PDE4D: variants seen among roughly 807,000 people sequenced by gnomAD.
The protein encoded by PDE4D is phosphodiesterase 4D.
PDE4D carries 24 observed loss-of-function variants against 87.4 expected under a neutral mutation model. That is an observed-to-expected ratio of 0.27 (90% CI 0.20 to 0.39). The LOEUF is 0.39. Ranked by LOEUF, PDE4D falls within the 10% of genes least tolerant of loss-of-function variation. The pLI is 1.00. For synonymous variants in PDE4D, 384 were observed against 383.2 expected, an observed-to-expected ratio of 1.00 and a Z score of -0.02; for missense variants, 714 against 1,041.0, an observed-to-expected ratio of 0.69 and a Z score of 4.32.
intron 1 of PDE4D, among the ~76,000 whole-genome samples, chr5:60,281,967 G>T (rs1157628805): frequency 2.0e-5 from 3 of 151,740 alleles, no homozygotes; most frequent in Non-Finnish European, 4.4e-5. Context: ...AGTCTGGGAG[G>T]TTGAGTCTAC....
intron 2 of PDE4D, among the ~76,000 whole-genome samples, chr5:60,104,777 C>A (rs902116520): frequency 2.0e-5 from 3 of 152,190 alleles, no homozygotes; most frequent in Admixed American, 1.3e-4. Context: ...CTCTAGCAAA[C>A]TCCAACAGAC....
intron 3 of PDE4D, among the ~76,000 whole-genome samples, chr5:59,968,849 T>C (rs1370666846): frequency 2.0e-5 from 3 of 152,144 alleles, no homozygotes; most frequent in Admixed American, 2.0e-4. Context: ...TGAAACACAA[T>C]ATAACATATC....
chr5:60,229,675 T>C (rs551489655), intron 1 of PDE4D, among the ~76,000 whole-genome samples: 10 of 152,128 alleles, frequency 6.6e-5, no homozygotes, highest in Non-Finnish European at 1.5e-4. Flanking sequence ...TAACAACTGA[T>C]ATGTTCATGT....
chr5:60,483,803 T>C (rs1276272236), intron 1 of PDE4D, among the ~76,000 whole-genome samples: 2 of 152,180 alleles, frequency 1.3e-5, no homozygotes, highest in African/African-American at 4.8e-5. Flanking sequence ...ATCCACTCCA[T>C]TTTAATACGT....
At chr5:59,898,350 C>A (rs1443073675), upstream of PDE4D, among the ~76,000 whole-genome samples, 2 of 152,146 alleles carry the variant, frequency 1.3e-5, no homozygotes, top group Non-Finnish European at 2.9e-5. Flanking sequence ...AAATTACTAT[C>A]CTCAAGGAGT....
intron 5 of PDE4D, among the ~76,000 whole-genome samples, chr5:59,079,618 G>C (rs1302114747): frequency 6.6e-6 from 1 of 151,572 alleles, no homozygotes; most frequent in Admixed American, 6.6e-5. Context: ...TTGAGGCCAG[G>C]AGTTTGAGAC....
intron 5 of PDE4D, among the ~76,000 whole-genome samples, chr5:59,088,571 C>T (rs1267850537): frequency 2.6e-5 from 4 of 152,074 alleles, no homozygotes; most frequent in Admixed American, 2.6e-4. Flanking sequence ...CAGTAGTAGA[C>T]AGGATAAAGC....
chr5:59,242,025 CA>C (rs75033724), intron 1 of PDE4D, among the ~76,000 whole-genome samples: 7,112 of 152,192 alleles, frequency 0.047, 235 homozygotes, highest in African/African-American at 0.09. Context: ...GCATAATTCT[CA>C]CACCAGGTAT....
At chr5:59,393,025 T>C (rs951460025) in intron 1 of PDE4D, among the ~76,000 whole-genome samples, 3 of 151,940 alleles carry the variant, frequency 2.0e-5, no homozygotes, top group African/African-American at 7.3e-5. Context: ...TGAGGATGGA[T>C]TGGATATTAA....
At position 58,975,920 on chromosome 5, in the gene PDE4D, T is replaced by C. The variant is rs1473369814; in HGVS notation, c.1831-81A>G. The C allele has an allele frequency of 7.7e-6, 8 of 1,033,780 alleles. No individual in the cohort carries two copies. Among genetic ancestry groups the C allele is most frequent in the African/African-American group, 3.3e-5 (2 of 60,826 alleles). 64.0% of individuals were successfully genotyped at this position (1,033,780 alleles called of 1,614,324 possible). ...AAACAAAAAAAACTAGAAATTCACA[T>C]TGGATGACTGCAACACTTAAAAATA... is the stretch of plus-strand genomic sequence containing the variant. On this transcript the variant is annotated intron_variant, in intron 13 of 14. Coordinates refer to ENST00000340635, the MANE Select transcript of PDE4D (RefSeq NM_001104631.2). This position sits in a 1 kb window ranked among gnomAD's most constrained non-coding sequence, Gnocchi z 4.2.
chr5:60,051,076 C>T (rs1316042397), intron 2 of PDE4D, among the ~76,000 whole-genome samples: 3 of 152,140 alleles, frequency 2.0e-5, no homozygotes, highest in African/African-American at 4.8e-5. Flanking sequence ...TTTTAGACTC[C>T]CACACAATAA....
At chr5:60,030,222 G>C (rs572626257) in intron 2 of PDE4D, among the ~76,000 whole-genome samples, 1 of 151,740 alleles carries the variant, frequency 6.6e-6, no homozygotes, top group African/African-American at 2.4e-5. Context: ...AGGCCGAGGC[G>C]GGTGGATCAT....
At chr5:59,829,074 G>A (rs1205469652) in intron 1 of PDE4D, among the ~76,000 whole-genome samples, 1 of 151,930 alleles carries the variant, frequency 6.6e-6, no homozygotes, top group Non-Finnish European at 1.5e-5. Flanking sequence ...TTGTGTTGCT[G>A]ATGGAATAAC....
intron 1 of PDE4D, among the ~76,000 whole-genome samples, chr5:59,555,588 T>C (rs887493671): frequency 6.6e-6 from 1 of 152,182 alleles, no homozygotes; most frequent in African/African-American, 2.4e-5. Flanking sequence ...CACTGTTTCC[T>C]GGCAATAAGT....
chr5:59,671,703 G>A lies in PDE4D; in HGVS notation c.455+221465C>T, dbSNP rs1747231108. ...TGAGCCCGTAGTCCCAGCTATTTGA[G>A]AGGCTGAGGTGGGAGGATCACTGGA... On this transcript the variant is annotated intron_variant, in intron 1 of 14. Coordinates refer to ENST00000340635, the MANE Select transcript of PDE4D (RefSeq NM_001104631.2). Among the ~76,000 whole-genome samples the A allele has an allele frequency of 4.0e-5, 6 of 151,706 alleles. No individual in the cohort carries two copies. The South Asian group carries it at 1.3e-3, about 32-fold the overall frequency.
chr5:60,335,665 G>A (rs1206024654), intron 1 of PDE4D, among the ~76,000 whole-genome samples: 2 of 152,156 alleles, frequency 1.3e-5, no homozygotes, highest in African/African-American at 4.8e-5. Context: ...CATCCTAAGT[G>A]GGGTAGGGTA....
chr5:58,994,958 C>T (rs1748863985), intron 6 of PDE4D, among the ~76,000 whole-genome samples: 1 of 135,210 alleles, frequency 7.4e-6, no homozygotes, highest in Non-Finnish European at 1.6e-5. Flanking sequence ...GTTCCCCTTC[C>T]TGTGCCCAAG....
At chr5:59,891,172 A>C (rs1285381788) in intron 1 of PDE4D, among the ~76,000 whole-genome samples, 1 of 152,242 alleles carries the variant, frequency 6.6e-6, no homozygotes. Context: ...TTTCAAATAG[A>C]ACAATTAATC....
chr5:60,440,455 A>G (rs1406886630), intron 1 of PDE4D, among the ~76,000 whole-genome samples: 1 of 152,156 alleles, frequency 6.6e-6, no homozygotes, highest in African/African-American at 2.4e-5. Flanking sequence ...CAGGAAAAGT[A>G]TAAGATAGGC....
Sources: gnomAD v4.1 joint callset for allele counts (sites outside exome capture counted in the v4.1 genomes callset) on GRCh38, gnomAD v4.1.1 for gene constraint, Gnocchi (gnomAD v3.1) non-coding constraint, MANE v1.5 for transcripts, NCBI Gene and HGNC (gene_info 2026-07-23, HGNC 2026-07-21) for gene names.